FAM83G: variants seen among roughly 807,000 people sequenced by gnomAD.
FAM83G encodes scaffolding CK1 anchoring protein G.
Under a neutral mutation model 61.5 loss-of-function variants are expected in FAM83G, and 38 were observed. The observed-to-expected ratio is 0.62, with a 90% CI of 0.48 to 0.81. The LOEUF (loss-of-function observed/expected upper bound fraction) is 0.81, where lower values mean the gene tolerates loss of function less well. FAM83G is among the 30% of genes least tolerant of loss of function. The probability of loss-of-function intolerance (pLI) is 0.00; values close to 1 mark genes in which losing one functional copy is unlikely to be tolerated. For synonymous variants in FAM83G, 470 were observed against 476.1 expected, an observed-to-expected ratio of 0.99 and a Z score of 0.17; for missense variants, 989 against 1,133.6, an observed-to-expected ratio of 0.87 and a Z score of 1.83.
Position 18,970,889 on chromosome 17 carries a change from G to A in FAM83G, c.*470C>T, listed in dbSNP as rs2042824276. 1.3e-6 allele frequency: 1 copy of A among 797,276 alleles called. No homozygotes were observed. Among genetic ancestry groups the A allele is most frequent in the Admixed American group, 2.2e-5 (1 of 45,300 alleles). 49.4% of individuals were successfully genotyped at this position (797,276 alleles called of 1,614,324 possible). ...CACCTTTCCAAACACTGGGAAAGAT[G>A]AGGTGGAAAAAACTCAAGTTTGATG... is the stretch of plus-strand genomic sequence containing the variant. On this transcript the variant is annotated 3_prime_UTR_variant, in exon 6 of 6. Transcript: ENST00000388995.
In FAM83G at chr17:18,970,836, T is replaced by TAAA; in HGVS notation, c.*520_*522dup. ...ATAAAATAGTCATTCAAATACACCTTAAAAAAAAAAACAACCCTCTACCCT... is the reference window on the plus strand; with the variant it reads ...ATAAAATAGTCATTCAAATACACCTTAAAAAAAAAAAAAACAACCCTCTACCCT... On this transcript the variant is annotated 3_prime_UTR_variant, in exon 6 of 6. Transcript: ENST00000388995. The TAAA allele has an allele frequency of 1.4e-5, 7 of 508,154 alleles. No individual in the cohort carries two copies. The highest frequency in any genetic ancestry group is 7.3e-5 in the South Asian group (3 of 40,858). 31.5% of individuals were successfully genotyped at this position (508,154 alleles called of 1,614,324 possible).
rs754528010 is a variant in FAM83G, at chr17:18,969,125, C to G, written c.*2234G>C. The G allele has an allele frequency of 1.2e-6, 2 of 1,613,998 alleles. No individual in the cohort carries two copies. Among genetic ancestry groups the G allele is most frequent in the Non-Finnish European group, 1.7e-6 (2 of 1,179,982 alleles). On this transcript the variant is annotated 3_prime_UTR_variant, in exon 6 of 6. Transcript: ENST00000388995. Reference sequence around the variant, plus strand: ...AACTTCTACCTCTCCACCATCCTCACGCTCGGCATCACAGCCCTGTACACC... The same window carrying G: ...AACTTCTACCTCTCCACCATCCTCAGGCTCGGCATCACAGCCCTGTACACC...
chr17:18,999,822 G>A (rs1331283623), intron 2 of FAM83G, among the ~76,000 whole-genome samples: 1 of 152,220 alleles, frequency 6.6e-6, no homozygotes, highest in Non-Finnish European at 1.5e-5. Context: ...CCTGGCCACC[G>A]GCGCCTCACC....
chr17:18,988,773 T>C (rs2043334455), intron 2 of FAM83G, among the ~76,000 whole-genome samples: 1 of 152,226 alleles, frequency 6.6e-6, no homozygotes, highest in Admixed American at 6.5e-5. Context: ...GGGCATCCCC[T>C]ACATTCCTGG....
rs2043573307 is a variant in FAM83G, at chr17:18,996,377, CA to C, written c.522+7142del. 6.6e-6 allele frequency among the ~76,000 whole-genome samples: 1 copy of C among 152,102 alleles called. No homozygotes were observed. Among genetic ancestry groups the C allele is most frequent in the Non-Finnish European group, 1.5e-5 (1 of 68,018 alleles). On this transcript the variant is annotated intron_variant, in intron 2 of 5. Transcript: ENST00000388995. This position sits in a 1 kb window ranked among gnomAD's most constrained non-coding sequence, Gnocchi z 4.4. The stretch of plus-strand genomic sequence containing the variant: ...CTCCCCCTCCCCTCCTCCTCCCCTC[CA>C]GGGGGCTGGCAGAATTAGTGACATG...
intron 2 of FAM83G, among the ~76,000 whole-genome samples, chr17:18,992,408 C>G (rs967919919): frequency 6.6e-6 from 1 of 152,228 alleles, no homozygotes; most frequent in African/African-American, 2.4e-5. Context: ...GTGACCGGAG[C>G]AGCTTGAGCT....
At chr17:18,980,928 T>C (rs2043114871) in intron 3 of FAM83G, among the ~76,000 whole-genome samples, 1 of 152,090 alleles carries the variant, frequency 6.6e-6, no homozygotes, top group Non-Finnish European at 1.5e-5. Flanking sequence ...TCTCACTCCC[T>C]CCCGAGGGGC....
chr17:19,003,450 G>C lies in FAM83G; in HGVS notation c.522+70C>G. ...GTTGGGCTCCCGTTTTGGGCTCTGA[G>C]TGAGCCTGTATTGAGAGGGGTCCGG... On this transcript the variant is annotated intron_variant, in intron 2 of 5. Coordinates refer to ENST00000388995, the MANE Select transcript of FAM83G (RefSeq NM_001039999.3). The surrounding 1 kb of genome is among the most constrained non-coding windows in gnomAD (Gnocchi z 4.5). 6.9e-7 allele frequency: 1 copy of C among 1,455,156 alleles called. No homozygotes were observed. The highest frequency in any genetic ancestry group is 9.1e-7 in the Non-Finnish European group (1 of 1,099,322). The allele number at this position is 1,455,156 out of a possible 1,614,324, so 90.1% of individuals were successfully genotyped here. A position where few individuals can be genotyped will look rare whatever the true frequency, so the allele number is the denominator to read the frequency against.
At position 18,969,234 on chromosome 17, in the gene FAM83G, G is replaced by A. The variant is rs1053358933; in HGVS notation, c.*2125C>T. 6.1e-5 allele frequency: 97 copies of A among 1,579,146 alleles called. No homozygotes were observed. In the East Asian group the frequency reaches 1.8e-3, roughly 29 times the overall value. The stretch of plus-strand genomic sequence containing the variant: ...GAAGGCCACCTCCCCCTACAGGCCC[G>A]AGGGAGCAGCCCAGGAAGTGGCCCC... On this transcript the variant is annotated 3_prime_UTR_variant, in exon 6 of 6. Transcript: ENST00000388995.
intron 3 of FAM83G, among the ~76,000 whole-genome samples, chr17:18,985,265 C>T (rs2043241596): frequency 6.6e-6 from 1 of 152,218 alleles, no homozygotes; most frequent in South Asian, 2.1e-4. Flanking sequence ...GATAAATGAC[C>T]ATGTCCCCAT....
chr17:18,978,432 G>A lies in FAM83G; in HGVS notation c.1234C>T (p.Pro412Ser), dbSNP rs1329078347. Residue 412 changes from proline (P) to serine (S), a missense_variant, in exon 5 of 6, where the codon CCC becomes TCC. By Grantham distance (74) the Pro-to-Ser change is moderately conservative. Transcript: ENST00000388995. ...TCCGGGTCTGGCTCCACCCACGTGGGCAGGTACTCAAACATGTTGGCCCTC... is the reference window on the plus strand; with the variant it reads ...TCCGGGTCTGGCTCCACCCACGTGGACAGGTACTCAAACATGTTGGCCCTC... ...LERANMFEYL[P>S]TWVEPDPEPG... 1.3e-6 allele frequency: 2 copies of A among 1,598,950 alleles called. No individual in the cohort carries two copies. The highest frequency in any genetic ancestry group is 1.7e-6 in the Non-Finnish European group (2 of 1,172,768).
At chr17:18,981,982 G>A (rs144743548) in intron 3 of FAM83G, among the ~76,000 whole-genome samples, 53 of 152,302 alleles carry the variant, frequency 3.5e-4, no homozygotes, top group Middle Eastern at 6.8e-3. Context: ...CTCCTGGCCC[G>A]GCCACAGACC....
rs761496712 is a variant in FAM83G at position 18,979,671 on chromosome 17, A to T, written c.693T>A (p.Asn231Lys). 4.3e-6 allele frequency: 7 copies of T among 1,613,188 alleles called. No individual in the cohort carries two copies. Among genetic ancestry groups the T allele is most frequent in the Non-Finnish European group, 5.1e-6 (6 of 1,179,902 alleles). ...RACMHLGHLK[N>K]LRVRSSGGTE... The stretch of plus-strand genomic sequence containing the variant: ...TTCCCCCGCTGCTCCGCACTCTGAG[A>T]TTCTGTTTTGGGAACCAAGAGACAG... The change falls in exon 4 of 6, where the codon AAT becomes AAA. Residue 231 changes from asparagine to lysine, a missense_variant and splice_region_variant. Around this residue, in one of 3 missense-constraint regions of FAM83G, gnomAD observed 371 missense variants for 404.5 expected, o/e 0.92. Transcript: ENST00000388995.
At chr17:18,993,399 G>A (rs924950472) in intron 2 of FAM83G, among the ~76,000 whole-genome samples, 2 of 152,178 alleles carry the variant, frequency 1.3e-5, no homozygotes, top group African/African-American at 4.8e-5. Flanking sequence ...CACAGCAATG[G>A]AGTCTCCCAA....
At position 18,976,646 on chromosome 17, in the gene FAM83G, T is replaced by A. The variant is rs1567789052; in HGVS notation, c.2082+938A>T. On this transcript the variant is annotated intron_variant, in intron 5 of 5. Transcript: ENST00000388995. ...CTGAGTCCCTGGGAATGAGTGTACC[T>A]CGGCTCTCGCTGCTTGGCCTGCTGA... 8 of 610,556 alleles carry A rather than the reference T, an allele frequency of 1.3e-5. No homozygotes were observed. The East Asian group carries it at 2.3e-4, about 17-fold the overall frequency. 37.8% of individuals were successfully genotyped at this position (610,556 alleles called of 1,614,324 possible).
rs1567807821 is a variant in FAM83G at position 19,004,008 on chromosome 17, T to G, written c.34A>C (p.Asn12His). The G allele has an allele frequency of 1.2e-6, 2 of 1,610,586 alleles. No homozygotes were observed. The highest frequency in any genetic ancestry group is 8.5e-7 in the Non-Finnish European group (1 of 1,178,684). The change falls in exon 2 of 6, where the codon AAC becomes CAC. Residue 12 changes from asparagine (N) to histidine (H), a missense_variant. By Grantham distance (68) the Asn-to-His change is moderately conservative (BLOSUM62 1). Around this residue, in one of 3 missense-constraint regions of FAM83G, gnomAD observed 371 missense variants for 404.5 expected, o/e 0.92. Transcript: ENST00000388995. This position sits in a 1 kb window ranked among gnomAD's most constrained non-coding sequence, Gnocchi z 5.4. Reference sequence around the variant, plus strand: ...TCGCTGGAGCGCCAGTTCACATGGTTGTCGTCCAGACACTGCACCTGAGAG... The same window carrying G: ...TCGCTGGAGCGCCAGTTCACATGGTGGTCGTCCAGACACTGCACCTGAGAG... ...AFSQVQCLDD[N>H]HVNWRSSESK...
At chr17:18,988,168 G>A in intron 3 of FAM83G, 79 bp downstream of exon 3, 1 of 1,552,396 alleles carries the variant, frequency 6.4e-7, no homozygotes, top group Non-Finnish European at 8.7e-7. Context: ...TCCAGAGCAG[G>A]CAGGTACTCG....
chr17:18,985,948 A>G (rs2043258902), intron 3 of FAM83G, among the ~76,000 whole-genome samples: 1 of 152,230 alleles, frequency 6.6e-6, no homozygotes, highest in African/African-American at 2.4e-5. Flanking sequence ...CAGTAGCTGT[A>G]TAACTTTCCT....
chr17:18,983,531 G>A lies in FAM83G; in HGVS notation c.691-3858C>T, dbSNP rs2043189948. Among the ~76,000 whole-genome samples, 3 of 152,214 alleles carry A rather than the reference G, an allele frequency of 2.0e-5. No homozygotes were observed. The South Asian group carries it at 6.2e-4, about 32-fold the overall frequency. Reference sequence around the variant, plus strand: ...GAGTAGAGGCCCGGTAGAGCAGTGGGGAGGTCCAGAGATGCATCCTTGACC... The same window carrying A: ...GAGTAGAGGCCCGGTAGAGCAGTGGAGAGGTCCAGAGATGCATCCTTGACC... On this transcript the variant is annotated intron_variant, in intron 3 of 5. Coordinates refer to ENST00000388995, the MANE Select transcript of FAM83G (RefSeq NM_001039999.3).
Sources: allele counts gnomAD v4.1 joint callset (sites outside exome capture counted in the v4.1 genomes callset), GRCh38; gene constraint gnomAD v4.1.1; regional missense constraint gnomAD v4.1.1; non-coding constraint Gnocchi (gnomAD v3.1); transcripts MANE v1.5; gene names NCBI Gene and HGNC (gene_info 2026-07-23, HGNC 2026-07-21).